The following MMP26 variants were observed in gnomAD, a reference collection of about 807,000 sequenced individuals.
The protein encoded by MMP26 is matrix metallopeptidase 26, also known as matrix metalloproteinase-26.
In MMP26, 33 loss-of-function variants were observed where a neutral mutation model predicts 31.0. The observed-to-expected ratio is 1.06, with a 90% CI of 0.81 to 1.42. The LOEUF (loss-of-function observed/expected upper bound fraction) is 1.42, where lower values mean the gene tolerates loss of function less well. MMP26 is among the 40% of genes most tolerant of loss of function. The pLI, the probability that MMP26 is intolerant of heterozygous loss-of-function variation, is 0.00. For synonymous variants in MMP26, 122 were observed against 114.9 expected, an observed-to-expected ratio of 1.06 and a Z score of -0.40; for missense variants, 347 against 316.1, an observed-to-expected ratio of 1.10 and a Z score of -0.74.
At chr11:4,893,551 G>A (rs1201378492) in intron 2 of MMP26, among the ~76,000 whole-genome samples, 9 of 152,120 alleles carry the variant, frequency 5.9e-5, no homozygotes, top group African/African-American at 2.2e-4. Flanking sequence ...CACCCTCACT[G>A]CCTCAGTCAT....
intron 2 of MMP26, among the ~76,000 whole-genome samples, chr11:4,885,236 T>C (rs1037475124): frequency 2.0e-5 from 3 of 152,126 alleles, no homozygotes; most frequent in Non-Finnish European, 2.9e-5. Context: ...ATATATATAA[T>C]TAAAATGTGT....
intron 1 of MMP26, among the ~76,000 whole-genome samples, chr11:4,758,400 TA>T (rs1250328319): frequency 6.7e-6 from 1 of 148,346 alleles, no homozygotes; most frequent in African/African-American, 2.5e-5. Flanking sequence ...GGTAGACTTT[TA>T]AACCGGTATA....
chr11:4,781,267 A>G (rs1049342326), intron 2 of MMP26, among the ~76,000 whole-genome samples: 2 of 152,222 alleles, frequency 1.3e-5, no homozygotes, highest in African/African-American at 4.8e-5. Context: ...TTGTATGTAT[A>G]ATTTTATCTC....
intron 2 of MMP26, among the ~76,000 whole-genome samples, chr11:4,958,574 T>C (rs983497119): frequency 6.6e-6 from 1 of 152,172 alleles, no homozygotes; most frequent in African/African-American, 2.4e-5. Context: ...CCATCTATCT[T>C]CTCTATCATC....
At chr11:4,927,728 G>A (rs1301173604) in intron 2 of MMP26, among the ~76,000 whole-genome samples, 1 of 152,130 alleles carries the variant, frequency 6.6e-6, no homozygotes, top group East Asian at 1.9e-4. Flanking sequence ...ATTCCGTTTA[G>A]ACTCAAGGTC....
chr11:4,791,728 A>G (rs1198952191), intron 2 of MMP26, among the ~76,000 whole-genome samples: 1 of 152,166 alleles, frequency 6.6e-6, no homozygotes, highest in Non-Finnish European at 1.5e-5. Context: ...AAAATAATAT[A>G]TAATGAATTG....
chr11:4,986,511 A>ATTTTT (rs58016783), intron 2 of MMP26, among the ~76,000 whole-genome samples: 1 of 31,608 alleles, frequency 3.2e-5, no homozygotes, highest in African/African-American at 1.1e-4. Flanking sequence ...TGCCCAGTCG[A>ATTTTT]TTTTTTTTTT....
chr11:4,934,340 T>C (rs374224124), intron 2 of MMP26, among the ~76,000 whole-genome samples: 1 of 141,088 alleles, frequency 7.1e-6, no homozygotes, highest in Non-Finnish European at 1.5e-5. Context: ...ATGAGCATTT[T>C]TTCATGTGTT....
chr11:4,757,289 A>G (rs569997238), intron 1 of MMP26, among the ~76,000 whole-genome samples: 1 of 152,246 alleles, frequency 6.6e-6, no homozygotes, highest in African/African-American at 2.4e-5. Flanking sequence ...AAAAAAATAA[A>G]TAACTTGGAT....
intron 1 of MMP26, among the ~76,000 whole-genome samples, chr11:4,738,670 GAAAT>G (rs1375368313): frequency 3.9e-5 from 6 of 152,102 alleles, no homozygotes; most frequent in Non-Finnish European, 5.9e-5. Context: ...AATAATTACA[GAAAT>G]AAATAGCCTT....
rs565119105 is a variant in MMP26 at position 4,960,068 on chromosome 11, C to T, written c.-144-28000C>T. 1.7e-3 allele frequency among the ~76,000 whole-genome samples: 197 copies of T among 117,248 alleles called. 1 individual carries two copies. Among genetic ancestry groups the T allele is most frequent in the African/African-American group, 6.0e-3 (182 of 30,552 alleles). 76.9% of individuals were successfully genotyped at this position (117,248 alleles called of 152,430 possible). ...CACCCAGGAGAATGCCTTGCTGAGA[C>T]TTCTGTCTCCAAGTTGGCTATTAGC... On this transcript the variant is annotated intron_variant, in intron 2 of 7. Coordinates refer to ENST00000380390, the MANE Select transcript of MMP26 (RefSeq NM_021801.5).
At chr11:4,907,249 C>A in intron 2 of MMP26, 1 of 623,610 alleles carries the variant, frequency 1.6e-6, no homozygotes, top group Non-Finnish European at 2.8e-6. Context: ...CCAAATATGC[C>A]TTTGAGTATA....
At chr11:4,802,824 TCTTG>T (rs1849201855) in intron 2 of MMP26, among the ~76,000 whole-genome samples, 1 of 152,188 alleles carries the variant, frequency 6.6e-6, no homozygotes, top group South Asian at 2.1e-4. Context: ...TAAGATTATA[TCTTG>T]CTTATTTGTC....
chr11:4,776,462 T>C (rs60617306), intron 2 of MMP26, among the ~76,000 whole-genome samples: 14,418 of 151,942 alleles, frequency 0.095, 847 homozygotes, highest in Middle Eastern at 0.15. Context: ...TGTTATTTTT[T>C]GACTTTTTAA....
chr11:4,868,727 C>T (rs1469062076), intron 2 of MMP26, among the ~76,000 whole-genome samples: 1 of 152,134 alleles, frequency 6.6e-6, no homozygotes, highest in African/African-American at 2.4e-5. Flanking sequence ...CTTTAAAGTT[C>T]ATATGGAACC....
At chr11:4,911,512 T>A (rs1370033510) in intron 2 of MMP26, among the ~76,000 whole-genome samples, 3 of 152,162 alleles carry the variant, frequency 2.0e-5, no homozygotes, top group Non-Finnish European at 4.4e-5. Flanking sequence ...CCATCTTCAA[T>A]TCACCAATTA....
chr11:4,859,701 A>C (rs1180032407), intron 2 of MMP26: 1 of 470,002 alleles, frequency 2.1e-6, no homozygotes. Context: ...GGTTTAGCAC[A>C]GGCGGGAGCA....
intron 1 of MMP26, among the ~76,000 whole-genome samples, chr11:4,751,430 AAG>A (rs1848445557): frequency 6.6e-6 from 1 of 152,186 alleles, no homozygotes; most frequent in Non-Finnish European, 1.5e-5. Flanking sequence ...AAGATATTTA[AAG>A]ATGAGCCTTG....
intron 2 of MMP26, chr11:4,945,840 A>G (rs1189053485): frequency 2.8e-6 from 1 of 360,684 alleles, no homozygotes; most frequent in Non-Finnish European, 5.1e-6. Context: ...AAGAGATTGA[A>G]TGTAGATAAT....
Sources: gnomAD v4.1 joint callset for allele counts (sites outside exome capture counted in the v4.1 genomes callset) on GRCh38, gnomAD v4.1.1 for gene constraint, MANE v1.5 for transcripts, NCBI Gene and HGNC (gene_info 2026-07-23, HGNC 2026-07-21) for gene names.